Variants in METTL16 observed in about 807,000 individuals in gnomAD.
METTL16 encodes RNA N(6)-adenosine-methyltransferase METTL16.
A neutral mutation model predicts 57.9 loss-of-function variants in METTL16; 19 were observed. The ratio of observed to expected loss-of-function variants is 0.33; its 90% CI spans 0.23 to 0.48. METTL16 has a LOEUF of 0.48. Ranked by LOEUF, METTL16 falls within the 20% of genes least tolerant of loss-of-function variation. The pLI is 0.99. For synonymous variants in METTL16, 246 were observed against 255.6 expected (o/e 0.96, Z 0.36); for missense variants, 434 against 691.5 (o/e 0.63, Z 4.18).
intron 8 of METTL16, among the ~76,000 whole-genome samples, chr17:2,423,045 T>C (rs1300356110): frequency 6.6e-6 from 1 of 152,100 alleles, no homozygotes; most frequent in Non-Finnish European, 1.5e-5. Flanking sequence ...AAGATCTTTT[T>C]CTGCTAAAAG....
chr17:2,434,397 T>C (rs759236713), intron 8 of METTL16, among the ~76,000 whole-genome samples: 1 of 152,116 alleles, frequency 6.6e-6, no homozygotes, highest in Non-Finnish European at 1.5e-5. Flanking sequence ...GTATTTTTAG[T>C]AGAGATGGGG....
At chr17:2,448,762 A>C (rs1199163536) in intron 6 of METTL16, among the ~76,000 whole-genome samples, 1 of 132,534 alleles carries the variant, frequency 7.5e-6, no homozygotes, top group Non-Finnish European at 1.6e-5. Context: ...TAAAATAAAA[A>C]AAATAAAAAA....
intron 4 of METTL16, among the ~76,000 whole-genome samples, chr17:2,468,565 T>A (rs184143828): frequency 6.6e-6 from 1 of 152,190 alleles, no homozygotes; most frequent in Non-Finnish European, 1.5e-5. Flanking sequence ...CCATAGGAAC[T>A]AGGAGATAAA....
At chr17:2,493,884 C>T (rs1294793917) in intron 2 of METTL16, among the ~76,000 whole-genome samples, 1 of 152,036 alleles carries the variant, frequency 6.6e-6, no homozygotes, top group East Asian at 1.9e-4. Flanking sequence ...GCGAACCATG[C>T]GAGGTTGCAA....
Position 2,419,964 on chromosome 17 carries a change from A to T in METTL16, c.*6T>A, listed in dbSNP as rs370399463. On this transcript the variant is annotated 3_prime_UTR_variant, in exon 10 of 10. Transcript: ENST00000263092. The stretch of plus-strand genomic sequence containing the variant: ...ATCAACACGTTTCCAACTGTGCAGG[A>T]GGTTTCTAGTTAACTGCAACAAGCC... 6.2e-7 allele frequency: 1 copy of T among 1,613,834 alleles called. No homozygotes were observed. Among genetic ancestry groups the T allele is most frequent in the Non-Finnish European group, 8.5e-7 (1 of 1,179,802 alleles).
chr17:2,455,645 G>A (rs1051638319), intron 6 of METTL16, among the ~76,000 whole-genome samples: 21 of 152,098 alleles, frequency 1.4e-4, no homozygotes, highest in East Asian at 1.9e-4. Context: ...CATCATACCT[G>A]AGTTAAAATG....
intron 6 of METTL16, among the ~76,000 whole-genome samples, chr17:2,448,757 TA>T (rs1163249734): frequency 3.2e-3 from 106 of 32,802 alleles, no homozygotes; most frequent in South Asian, 0.016. Flanking sequence ...AAAAATAAAA[TA>T]AAAAAAATAA....
intron 2 of METTL16, among the ~76,000 whole-genome samples, chr17:2,483,335 T>G (rs988617134): frequency 2.0e-4 from 31 of 152,236 alleles, no homozygotes; most frequent in African/African-American, 7.2e-4. Flanking sequence ...TATAAAATGC[T>G]GATGGAGGTC....
chr17:2,493,902 T>C lies in METTL16; in HGVS notation c.128+8302A>G, dbSNP rs187464946. On this transcript the variant is annotated intron_variant, in intron 2 of 9. Transcript: ENST00000263092. ...AACCATGCGAGGTTGCAACTATAAATAGGCTCACATTGCTCTCATCTCTAA... is the reference window on the plus strand; with the variant it reads ...AACCATGCGAGGTTGCAACTATAAACAGGCTCACATTGCTCTCATCTCTAA... 5.9e-5 allele frequency among the ~76,000 whole-genome samples: 9 copies of C among 152,200 alleles called. No individual in the cohort carries two copies. In the East Asian group the frequency reaches 1.2e-3, roughly 20 times the overall value.
chr17:2,434,296 C>T (rs573104791), intron 8 of METTL16, among the ~76,000 whole-genome samples: 33 of 152,322 alleles, frequency 2.2e-4, no homozygotes, highest in Non-Finnish European at 3.2e-4. Context: ...CCCACTGTAA[C>T]CTCCGCCTTG....
intron 2 of METTL16, among the ~76,000 whole-genome samples, chr17:2,494,245 C>T (rs2067424001): frequency 6.6e-6 from 1 of 152,118 alleles, no homozygotes; most frequent in South Asian, 2.1e-4. Flanking sequence ...TGGTCTCAAA[C>T]TCCTGGCCTC....
intron 6 of METTL16, among the ~76,000 whole-genome samples, chr17:2,454,568 T>C (rs867880819): frequency 2.0e-4 from 30 of 146,768 alleles, no homozygotes; most frequent in African/African-American, 7.5e-4. Context: ...TTATTATTTT[T>C]TTTTTTTTTT....
Position 2,502,269 on chromosome 17 carries a change from T to C in METTL16, c.63A>G (p.Ala21=), listed in dbSNP as rs367924078. The C allele has an allele frequency of 5.2e-5, 84 of 1,614,040 alleles. No homozygotes were observed. The African/African-American group carries it at 6.8e-4, about 13-fold the overall frequency. Residue 21 remains alanine (A), a synonymous_variant, in exon 2 of 10, where the codon GCA becomes GCG. Transcript: ENST00000263092. Reference sequence around the variant, plus strand: ...AATCTGGATATTTGGATGCCAGATATGCAAAGTCAGGAGGTTTGTCCTTGT... The same window carrying C: ...AATCTGGATATTTGGATGCCAGATACGCAAAGTCAGGAGGTTTGTCCTTGT... ...NRYKDKPPDF[A]YLASKYPDFK...
intron 6 of METTL16, among the ~76,000 whole-genome samples, chr17:2,447,904 G>A (rs75092123): frequency 9.6e-6 from 1 of 103,872 alleles, no homozygotes; most frequent in Non-Finnish European, 1.9e-5. Context: ...GGAGGTGGGG[G>A]GGGTCAGCCC....
intron 2 of METTL16, among the ~76,000 whole-genome samples, chr17:2,498,169 G>C (rs1482305144): frequency 6.7e-6 from 1 of 149,964 alleles, no homozygotes; most frequent in Non-Finnish European, 1.5e-5. Context: ...ACTCCAGCCT[G>C]GGCGACAGAG....
In METTL16 at chr17:2,508,974, C is replaced by T. The variant is rs139212924; in HGVS notation, c.-1+2785G>A. On this transcript the variant is annotated intron_variant, in intron 1 of 9. Coordinates refer to ENST00000263092, the MANE Select transcript of METTL16 (RefSeq NM_024086.4). ...AAGACTCTCCTCAACCTCCCACCAT[C>T]GCCTTTCACCTCTGAAGGTCCACTA... is the stretch of plus-strand genomic sequence containing the variant. 3.0e-3 allele frequency among the ~76,000 whole-genome samples: 456 copies of T among 152,236 alleles called. 1 individual carries two copies. The highest frequency in any genetic ancestry group is 1.0e-2 in the African/African-American group (415 of 41,542).
chr17:2,491,876 CAAA>C (rs1171788438), intron 2 of METTL16, among the ~76,000 whole-genome samples: 8 of 53,632 alleles, frequency 1.5e-4, no homozygotes, highest in Middle Eastern at 0.01. Flanking sequence ...CACCGTCTCA[CAAA>C]AAAAAAAAAA....
At chr17:2,456,190 T>A (rs2067108803) in intron 6 of METTL16, among the ~76,000 whole-genome samples, 1 of 152,072 alleles carries the variant, frequency 6.6e-6, no homozygotes, top group Admixed American at 6.6e-5. Flanking sequence ...TGGTACACCA[T>A]CTGTCCCCAG....
rs181808512 is a variant in METTL16 at position 2,485,191 on chromosome 17, G to A, written c.129-7306C>T. The stretch of plus-strand genomic sequence containing the variant: ...CAGGAGCGTGAACCCTCCTGGGAAC[G>A]CCGCATGCGAGGGATCTAGGTTGAG... On this transcript the variant is annotated intron_variant, in intron 2 of 9. Coordinates refer to ENST00000263092, the MANE Select transcript of METTL16 (RefSeq NM_024086.4). Among the ~76,000 whole-genome samples the A allele has an allele frequency of 1.1e-4, 17 of 152,300 alleles. No individual in the cohort carries two copies. The East Asian group carries it at 3.1e-3, about 28-fold the overall frequency.
Sources: allele counts gnomAD v4.1 joint callset (sites outside exome capture counted in the v4.1 genomes callset), GRCh38; gene constraint gnomAD v4.1.1; transcripts MANE v1.5; gene names NCBI Gene and HGNC (gene_info 2026-07-23, HGNC 2026-07-21).